The following SPECC1 variants were observed in gnomAD, a reference collection of about 807,000 sequenced individuals.
The protein encoded by SPECC1 is sperm antigen with calponin homology and coiled-coil domains 1.
In SPECC1, 62 loss-of-function variants were observed where a neutral mutation model predicts 104.1. The observed-to-expected ratio is 0.60, with a 90% CI of 0.49 to 0.74. The LOEUF (loss-of-function observed/expected upper bound fraction) is 0.74. SPECC1 is among the 30% of genes least tolerant of loss of function. SPECC1 has a pLI of 0.00. For synonymous variants in SPECC1, 513 were observed against 501.6 expected, an observed-to-expected ratio of 1.02 and a Z score of -0.30; for missense variants, 1,306 against 1,310.5, an observed-to-expected ratio of 1.00 and a Z score of 0.05.
At chr17:20,108,597 G>A (rs2152520975) in intron 2 of SPECC1, among the ~76,000 whole-genome samples, 1 of 152,260 alleles carries the variant, frequency 6.6e-6, no homozygotes, top group South Asian at 2.1e-4. Context: ...ACTCTTTTGT[G>A]TCTGCTTCTT....
intron 12 of SPECC1, among the ~76,000 whole-genome samples, chr17:20,281,935 A>G (rs3850785): frequency 0.71 from 107,831 of 152,172 alleles, 40,016 homozygotes; most frequent in East Asian, 0.99. Context: ...TCAGGACGCC[A>G]AGGAAGAACT....
rs182609522 is a variant in SPECC1, at chr17:20,056,710, A to C, written c.-21-39921A>C. On this transcript the variant is annotated intron_variant, in intron 1 of 14. Coordinates refer to ENST00000395527, the MANE Select transcript of SPECC1 (RefSeq NM_001243439.2). ...GCAGAGGCATTTTATAGATGTTTGC[A>C]TTGCTGTGACCTCTTTGAAGGATAA... 3.3e-4 allele frequency: 51 copies of C among 152,440 alleles called. 1 individual carries two copies. The highest frequency in any genetic ancestry group is 3.4e-3 in the Middle Eastern group (1 of 294). The allele number at this position is 152,440 out of a possible 1,614,324, so 9.4% of individuals were successfully genotyped here.
At position 20,232,165 on chromosome 17, in the gene SPECC1, G is replaced by A. The variant is rs767017777; in HGVS notation, c.2146-35G>A. 8.7e-6 allele frequency: 14 copies of A among 1,611,290 alleles called. No individual in the cohort carries two copies. In the South Asian group the frequency reaches 9.9e-5, roughly 11 times the overall value. On this transcript the variant is annotated intron_variant, in intron 6 of 14. Coordinates refer to ENST00000395527, the MANE Select transcript of SPECC1 (RefSeq NM_001243439.2). ...CCTGCCCAGGCACTGGCCCTGGCAG[G>A]CGTCTGACATAAGGATGGGCTCTGA... is the stretch of plus-strand genomic sequence containing the variant.
At chr17:20,204,279 G>A (rs2151345437) in intron 3 of SPECC1, 54 bp from the exon 4 acceptor site, 1 of 1,557,868 alleles carries the variant, frequency 6.4e-7, no homozygotes, top group Non-Finnish European at 8.7e-7. Context: ...TTTGGGTTTT[G>A]TTTATAAGAA....
chr17:20,070,925 T>G (rs573563861), intron 1 of SPECC1, among the ~76,000 whole-genome samples: 1 of 152,242 alleles, frequency 6.6e-6, no homozygotes, highest in South Asian at 2.1e-4. Context: ...CTCTCCTACC[T>G]TATTCAGGAT....
chr17:20,195,196 C>T (rs971326053), intron 3 of SPECC1, among the ~76,000 whole-genome samples: 1 of 152,082 alleles, frequency 6.6e-6, no homozygotes, highest in Non-Finnish European at 1.5e-5. Flanking sequence ...TGAAGAACAC[C>T]TGTTAGAGTT....
intron 3 of SPECC1, among the ~76,000 whole-genome samples, chr17:20,178,179 C>T (rs770948007): frequency 6.6e-6 from 1 of 152,216 alleles, no homozygotes; most frequent in Non-Finnish European, 1.5e-5. Flanking sequence ...AGCCACCACT[C>T]CCGACTCCTC....
intron 2 of SPECC1, among the ~76,000 whole-genome samples, chr17:20,101,686 A>G (rs1244513215): frequency 6.6e-6 from 1 of 152,228 alleles, no homozygotes; most frequent in East Asian, 1.9e-4. Flanking sequence ...GTTGCAAATG[A>G]TGAAACATTG....
rs535827406 is a variant in SPECC1 at position 20,174,612 on chromosome 17, C to T, written c.284-29721C>T. On this transcript the variant is annotated intron_variant, in intron 3 of 14. Transcript: ENST00000395527. ...CAGGTGGTCACATCAGTCTCTCCCC[C>T]CCATCAGTCTTGGAGGGGAGTCTGC... Among the ~76,000 whole-genome samples, 452 of 152,274 alleles carry T rather than the reference C, an allele frequency of 3.0e-3. 18 individuals are homozygous for T. The East Asian group carries it at 0.084, about 28-fold the overall frequency.
chr17:20,182,119 C>CTTTTTTTTTTTTTTTTT lies in SPECC1; in HGVS notation c.284-22204_284-22203insTTTTTTTTTTTTTTTTT, dbSNP rs57991209. On this transcript the variant is annotated intron_variant, in intron 3 of 14. Coordinates refer to ENST00000395527, the MANE Select transcript of SPECC1 (RefSeq NM_001243439.2). ...CAATTTTTTCTTTTTCTTTCTTTTT[C>CTTTTTTTTTTTTTTTTT]TTTTTTTTTTGGAGACAGGGCCTCA... Among the ~76,000 whole-genome samples the CTTTTTTTTTTTTTTTTT allele has an allele frequency of 1.2e-4, 16 of 136,570 alleles. 2 individuals carry two copies. Among genetic ancestry groups the CTTTTTTTTTTTTTTTTT allele is most frequent in the East Asian group, 2.1e-4 (1 of 4,784 alleles). The allele number at this position is 136,570 out of a possible 152,430, so 89.6% of individuals were successfully genotyped here.
At chr17:20,262,951 A>C (rs1351482216) in intron 12 of SPECC1, among the ~76,000 whole-genome samples, 1 of 152,106 alleles carries the variant, frequency 6.6e-6, no homozygotes, top group Non-Finnish European at 1.5e-5. Context: ...TTGAGGCTGC[A>C]GTGAGCTGAG....
intron 13 of SPECC1, among the ~76,000 whole-genome samples, chr17:20,302,512 T>TC (rs1412220573): frequency 6.6e-6 from 1 of 151,956 alleles, no homozygotes; most frequent in Admixed American, 6.6e-5. Context: ...TAACACTTGG[T>TC]CACAGATGTT....
intron 14 of SPECC1, among the ~76,000 whole-genome samples, chr17:20,310,637 T>C (rs1479105459): frequency 6.6e-6 from 1 of 152,218 alleles, no homozygotes; most frequent in Non-Finnish European, 1.5e-5. Flanking sequence ...CCAGGGCTGC[T>C]GTGTCTTTAC....
chr17:20,152,244 G>A (rs2032073451), intron 3 of SPECC1, among the ~76,000 whole-genome samples: 2 of 152,208 alleles, frequency 1.3e-5, no homozygotes, highest in African/African-American at 2.4e-5. Flanking sequence ...AGATTGCAGT[G>A]AGCTGAGATC....
At chr17:20,202,036 CAA>C in intron 3 of SPECC1, among the ~76,000 whole-genome samples, 1 of 152,158 alleles carries the variant, frequency 6.6e-6, no homozygotes, top group Non-Finnish European at 1.5e-5. Context: ...AAAATATACA[CAA>C]ATCTATTATA....
At position 20,287,341 on chromosome 17, in the gene SPECC1, C is replaced by T. The variant is rs888525424; in HGVS notation, c.2941-9620C>T. Among the ~76,000 whole-genome samples the T allele has an allele frequency of 4.1e-5, 6 of 147,280 alleles. No individual in the cohort carries two copies. The South Asian group carries it at 1.1e-3, about 26-fold the overall frequency. Reference sequence around the variant, plus strand: ...CTGAGGCAGGAGAATGGCGTGAACCCGGGAAGCGGAGCTTGCAGTGAGCCG... The same window carrying T: ...CTGAGGCAGGAGAATGGCGTGAACCTGGGAAGCGGAGCTTGCAGTGAGCCG... On this transcript the variant is annotated intron_variant, in intron 12 of 14. Coordinates refer to ENST00000395527, the MANE Select transcript of SPECC1 (RefSeq NM_001243439.2).
intron 12 of SPECC1, among the ~76,000 whole-genome samples, chr17:20,269,548 G>A (rs1268195237): frequency 2.6e-5 from 4 of 152,126 alleles, no homozygotes; most frequent in African/African-American, 7.2e-5. Flanking sequence ...TCAGTCTCCC[G>A]AGTAGCTGGG....
chr17:20,036,977 A>G (rs2045113318), intron 1 of SPECC1, among the ~76,000 whole-genome samples: 1 of 152,086 alleles, frequency 6.6e-6, no homozygotes, highest in South Asian at 2.1e-4. Context: ...AAGTCAAGGA[A>G]TTTCCCCTTT....
At chr17:20,165,820 G>A (rs2033601600) in intron 3 of SPECC1, among the ~76,000 whole-genome samples, 1 of 151,932 alleles carries the variant, frequency 6.6e-6, no homozygotes, top group South Asian at 2.1e-4. Context: ...TTTTTCATAC[G>A]TTTGTTGGCT....
Sources: gnomAD v4.1 joint callset for allele counts (sites outside exome capture counted in the v4.1 genomes callset) on GRCh38, gnomAD v4.1.1 for gene constraint, MANE v1.5 for transcripts, NCBI Gene and HGNC (gene_info 2026-07-23, HGNC 2026-07-21) for gene names.